Variants in TACR1 observed in about 807,000 individuals in gnomAD.
TACR1 encodes the protein substance-P receptor.
In TACR1, 25 loss-of-function variants were observed where a neutral mutation model predicts 35.8. The observed-to-expected ratio is 0.70, with a 90% CI of 0.51 to 0.98. TACR1 has a LOEUF of 0.98. Ranked by LOEUF, TACR1 falls within the 50% of genes least tolerant of loss-of-function variation. The pLI is 0.00. For synonymous variants in TACR1, 195 were observed against 206.7 expected (o/e 0.94, Z 0.48); for missense variants, 478 against 522.9 (o/e 0.91, Z 0.84).
chr2:75,169,369 C>G (rs770419786), intron 1 of TACR1, among the ~76,000 whole-genome samples: 4 of 152,132 alleles, frequency 2.6e-5, no homozygotes, highest in Admixed American at 6.5e-5. Context: ...GTTCTACTCT[C>G]AAAACCTTGC....
chr2:75,146,668 T>A lies in TACR1; in HGVS notation c.390-25900A>T, dbSNP rs191788917. Among the ~76,000 whole-genome samples, 5 of 152,312 alleles carry A rather than the reference T, an allele frequency of 3.3e-5. No homozygotes were observed. In the East Asian group the frequency reaches 7.7e-4, roughly 23 times the overall value. ...ATAACCATAGAGGAGCCAGCACATG[T>A]GGAATCTACTAGTTACTGAGTGAAG... On this transcript the variant is annotated intron_variant, in intron 1 of 4. Coordinates refer to ENST00000305249, the MANE Select transcript of TACR1 (RefSeq NM_001058.4).
chr2:75,192,571 G>C (rs1415322136), intron 1 of TACR1, among the ~76,000 whole-genome samples: 1 of 152,164 alleles, frequency 6.6e-6, no homozygotes, highest in East Asian at 1.9e-4. Flanking sequence ...ATTTTCTCTT[G>C]TGTGATAGGA....
At chr2:75,145,805 G>C (rs546844879) in intron 1 of TACR1, among the ~76,000 whole-genome samples, 2 of 152,342 alleles carry the variant, frequency 1.3e-5, no homozygotes, top group East Asian at 3.9e-4. Flanking sequence ...ACTTTTAGGT[G>C]TGTGGAACTT....
intron 2 of TACR1, among the ~76,000 whole-genome samples, chr2:75,080,121 C>T (rs1673054718): frequency 6.6e-6 from 1 of 152,120 alleles, no homozygotes; most frequent in Non-Finnish European, 1.5e-5. Context: ...TTAATTGTTA[C>T]TGAAATTAGA....
Position 75,199,153 on chromosome 2 carries a change from A to G in TACR1, c.-219T>C. The G allele has an allele frequency of 1.8e-6, 1 of 555,200 alleles. No homozygotes were observed. The highest frequency in any genetic ancestry group is 2.6e-5 in the South Asian group (1 of 38,092). 34.4% of individuals were successfully genotyped at this position (555,200 alleles called of 1,614,324 possible). On this transcript the variant is annotated 5_prime_UTR_variant, in exon 1 of 5. Transcript: ENST00000305249. ...GCCCGCGGTGGCTCTGAATTCCTCC[A>G]CTTTCAAGCTTCAGGAGACGTTTGA...
intron 2 of TACR1, among the ~76,000 whole-genome samples, chr2:75,059,626 A>G (rs1270617143): frequency 6.6e-6 from 1 of 152,204 alleles, no homozygotes; most frequent in African/African-American, 2.4e-5. Context: ...CCTTAAACCC[A>G]GTGAAAAAAC....
At chr2:75,189,965 G>A (rs1007243320) in intron 1 of TACR1, 1 of 152,098 alleles carries the variant, frequency 6.6e-6, no homozygotes, top group African/African-American at 2.4e-5. Context: ...TTTGAAAATG[G>A]TATTCAAATA....
chr2:75,137,751 A>G (rs1674327982), intron 1 of TACR1, among the ~76,000 whole-genome samples: 3 of 151,096 alleles, frequency 2.0e-5, no homozygotes, highest in South Asian at 4.2e-4. Flanking sequence ...AAAAAAAAAA[A>G]AAAAAGAAAA....
chr2:75,140,449 T>A (rs1055340242), intron 1 of TACR1, among the ~76,000 whole-genome samples: 1 of 152,122 alleles, frequency 6.6e-6, no homozygotes, highest in Non-Finnish European at 1.5e-5. Flanking sequence ...GTGCTTAAAA[T>A]GAGCAGTGGA....
chr2:75,170,450 C>A (rs1290699361), intron 1 of TACR1, among the ~76,000 whole-genome samples: 1 of 152,084 alleles, frequency 6.6e-6, no homozygotes, highest in Non-Finnish European at 1.5e-5. Context: ...AGCATGAGAA[C>A]AGACTAATAC....
chr2:75,181,511 A>G (rs1386427107), intron 1 of TACR1, among the ~76,000 whole-genome samples: 1 of 152,240 alleles, frequency 6.6e-6, no homozygotes, highest in Non-Finnish European at 1.5e-5. Context: ...TAGTGGATTT[A>G]ACATTATCCC....
chr2:75,106,120 T>C lies in TACR1; in HGVS notation c.584+14454A>G, dbSNP rs1359243977. Among the ~76,000 whole-genome samples, 5 of 152,210 alleles carry C rather than the reference T, an allele frequency of 3.3e-5. No homozygotes were observed. The East Asian group carries it at 9.6e-4, about 29-fold the overall frequency. ...GTGTGGAGTATCTGAAAACTTTTTG[T>C]ACTATCTTTGCAACTTTTCTGTAAA... On this transcript the variant is annotated intron_variant, in intron 2 of 4. Transcript: ENST00000305249.
chr2:75,172,927 C>CT lies in TACR1; in HGVS notation c.389+25618dup, dbSNP rs140118881. ...CCTTTCCTCTATGTGTCCAAACTTCCTTTTTTTTAAAATCAGGATACTGGT... is the reference window on the plus strand; with the variant it reads ...CCTTTCCTCTATGTGTCCAAACTTCCTTTTTTTTTAAAATCAGGATACTGGT... On this transcript the variant is annotated intron_variant, in intron 1 of 4. Transcript: ENST00000305249. 6.3e-3 allele frequency among the ~76,000 whole-genome samples: 959 copies of CT among 151,842 alleles called. 10 individuals are homozygous for CT. The highest frequency in any genetic ancestry group is 0.021 in the African/African-American group (882 of 41,378).
At chr2:75,064,182 T>C (rs1672725244) in intron 2 of TACR1, among the ~76,000 whole-genome samples, 1 of 151,904 alleles carries the variant, frequency 6.6e-6, no homozygotes, top group South Asian at 2.1e-4. Context: ...AAACACAGAC[T>C]CATGCAGAAG....
chr2:75,189,600 G>A (rs964620131), intron 1 of TACR1: 1 of 152,190 alleles, frequency 6.6e-6, no homozygotes, highest in Non-Finnish European at 1.5e-5. Flanking sequence ...AATTAATTTT[G>A]TAGTCAATGT....
chr2:75,074,130 G>A (rs972923872), intron 2 of TACR1, among the ~76,000 whole-genome samples: 11 of 152,128 alleles, frequency 7.2e-5, no homozygotes, highest in African/African-American at 2.7e-4. Flanking sequence ...TTACGAAATG[G>A]AAATGAAAAA....
chr2:75,123,887 A>G (rs1471902002), intron 1 of TACR1, among the ~76,000 whole-genome samples: 2 of 152,184 alleles, frequency 1.3e-5, no homozygotes, highest in East Asian at 1.9e-4. Context: ...ATACATTTAT[A>G]TATTTATCTG....
chr2:75,070,243 GTGTGTGTGTA>G (rs1354693385), intron 2 of TACR1, among the ~76,000 whole-genome samples: 13,135 of 150,430 alleles, frequency 0.087, 918 homozygotes, highest in African/African-American at 0.2. Context: ...ATGTGTGTGT[GTGTGTGTGTA>G]TGTGTGTGTG....
chr2:75,160,163 T>C (rs565268186), intron 1 of TACR1, among the ~76,000 whole-genome samples: 15 of 151,928 alleles, frequency 9.9e-5, no homozygotes, highest in Admixed American at 9.8e-4. Flanking sequence ...GGGAACAAAA[T>C]TAAAAACATA....
Sources: allele counts gnomAD v4.1 joint callset (sites outside exome capture counted in the v4.1 genomes callset), GRCh38; gene constraint gnomAD v4.1.1; transcripts MANE v1.5; gene names NCBI Gene and HGNC (gene_info 2026-07-23, HGNC 2026-07-21).